The following KLHDC4 variants were observed in gnomAD, a reference collection of about 807,000 sequenced individuals.
KLHDC4 encodes the protein kelch domain containing 4.
In KLHDC4, 90 loss-of-function variants were observed where a neutral mutation model predicts 62.4. That is an observed-to-expected ratio of 1.44 (90% CI 1.22 to 1.72). The LOEUF is 1.72. Among genes scored for constraint, KLHDC4 ranks in the 40% most tolerant of loss-of-function variants. The pLI, the probability that KLHDC4 is intolerant of heterozygous loss-of-function variation, is 0.00. For synonymous variants in KLHDC4, 386 were observed against 284.4 expected, an observed-to-expected ratio of 1.36 and a Z score of -3.59; for missense variants, 1,025 against 699.7, an observed-to-expected ratio of 1.47 and a Z score of -5.25.
intron 7 of KLHDC4, among the ~76,000 whole-genome samples, chr16:87,722,609 C>G (rs761743551): frequency 6.6e-6 from 1 of 152,218 alleles, no homozygotes; most frequent in African/African-American, 2.4e-5. Flanking sequence ...CTTCTCCGGG[C>G]TGAGAGACAA....
intron 7 of KLHDC4, among the ~76,000 whole-genome samples, chr16:87,714,846 C>T (rs898791958): frequency 3.9e-5 from 6 of 152,236 alleles, no homozygotes; most frequent in Non-Finnish European, 8.8e-5. Flanking sequence ...ACAGCTTCCA[C>T]AGCAGCCCTG....
intron 5 of KLHDC4, among the ~76,000 whole-genome samples, chr16:87,733,562 C>A (rs2040772925): frequency 6.6e-6 from 1 of 152,016 alleles, no homozygotes. Flanking sequence ...TGCAGCCACT[C>A]CCTGGGATCC....
At chr16:87,762,737 G>C (rs779980439) in intron 1 of KLHDC4, among the ~76,000 whole-genome samples, 1 of 152,060 alleles carries the variant, frequency 6.6e-6, no homozygotes, top group Non-Finnish European at 1.5e-5. Flanking sequence ...CCAGCACAGA[G>C]GGCAGCACTG....
At chr16:87,752,587 G>A (rs566328874) in intron 4 of KLHDC4, among the ~76,000 whole-genome samples, 55 of 151,938 alleles carry the variant, frequency 3.6e-4, no homozygotes, top group African/African-American at 1.2e-3. Flanking sequence ...CGCCCATCCC[G>A]GCCTCCCAAA....
rs747536312 is a variant in KLHDC4, at chr16:87,730,663, A to C, written c.507-19T>G. The C allele has an allele frequency of 5.0e-6, 8 of 1,598,456 alleles. No individual in the cohort carries two copies. In the Admixed American group the frequency reaches 1.0e-4, roughly 21 times the overall value. On this transcript the variant is annotated intron_variant, in intron 5 of 11. Transcript: ENST00000270583. ...TGTTGATCTAAAATGAAATAAACAA[A>C]AAGACACTATCAACCTGCTTAATTT...
At chr16:87,718,813 T>C (rs1277872380) in intron 7 of KLHDC4, among the ~76,000 whole-genome samples, 8 of 150,798 alleles carry the variant, frequency 5.3e-5, no homozygotes, top group African/African-American at 1.7e-4. Flanking sequence ...TCGTCTGAGA[T>C]GTGGGGAGTG....
downstream of KLHDC4, among the ~76,000 whole-genome samples, chr16:87,704,713 T>TA (rs562360889): frequency 1.8e-4 from 27 of 149,752 alleles, no homozygotes; most frequent in Admixed American, 6.0e-4. Flanking sequence ...CCAACTCAAT[T>TA]AAAAAAAAAA....
intron 6 of KLHDC4, among the ~76,000 whole-genome samples, chr16:87,727,344 A>C (rs1170364421): frequency 1.3e-5 from 2 of 152,220 alleles, no homozygotes; most frequent in Admixed American, 1.3e-4. Context: ...AGACAATTCC[A>C]TTAGGTTATT....
chr16:87,747,836 C>T (rs2043263975), intron 5 of KLHDC4: 1 of 152,436 alleles, frequency 6.6e-6, no homozygotes, highest in East Asian at 1.9e-4. Flanking sequence ...GCCCGGGCTC[C>T]AGGGAGCGCC....
chr16:87,700,910 G>C (rs2034116594), exon 1 of KLHDC4: 1 of 256,940 alleles, frequency 3.9e-6, no homozygotes, highest in African/African-American at 2.4e-5. Context: ...GGCGGAAGGA[G>C]TCAGTCAACT....
intron 5 of KLHDC4, among the ~76,000 whole-genome samples, chr16:87,732,974 T>G (rs1050709258): frequency 7.6e-6 from 1 of 130,966 alleles, no homozygotes; most frequent in African/African-American, 3.0e-5. Flanking sequence ...AAGCAAATCC[T>G]ATCCCAGCTT....
chr16:87,765,201 C>G (rs2046455334), intron 1 of KLHDC4: 3 of 455,916 alleles, frequency 6.6e-6, no homozygotes, highest in South Asian at 3.1e-5. Flanking sequence ...TCCTGCAGAC[C>G]CCGGGCTGAG....
chr16:87,765,511 G>A (rs907677352), intron 1 of KLHDC4, among the ~76,000 whole-genome samples: 2 of 152,074 alleles, frequency 1.3e-5, no homozygotes, highest in African/African-American at 2.4e-5. Context: ...GGAGGAGGGG[G>A]AGGAAACGCA....
At chr16:87,751,966 T>G (rs2044040145) in intron 4 of KLHDC4, among the ~76,000 whole-genome samples, 2 of 150,760 alleles carry the variant, frequency 1.3e-5, no homozygotes, top group African/African-American at 4.9e-5. Flanking sequence ...TCCCAGCTAC[T>G]CAGGAAGCTG....
At chr16:87,703,227 G>A (rs1050500625), downstream of KLHDC4, 9 of 152,124 alleles carry the variant, frequency 5.9e-5, no homozygotes, top group African/African-American at 2.2e-4. Context: ...TGGCGTCCCC[G>A]GGTCAGCGCG....
At chr16:87,734,987 C>A (rs958970712) in intron 5 of KLHDC4, among the ~76,000 whole-genome samples, 1 of 136,558 alleles carries the variant, frequency 7.3e-6, no homozygotes, top group African/African-American at 2.8e-5. Flanking sequence ...CCCCTCCTGA[C>A]GAATTGCCTG....
chr16:87,749,386 T>A (rs1018359008), intron 4 of KLHDC4, among the ~76,000 whole-genome samples: 3 of 151,814 alleles, frequency 2.0e-5, no homozygotes, highest in Admixed American at 2.0e-4. Context: ...AAACCCCATC[T>A]CTACTAAAAA....
At chr16:87,735,299 C>CAAAAAAAAAAAAAA (rs58357546) in intron 5 of KLHDC4, among the ~76,000 whole-genome samples, 3 of 72,604 alleles carry the variant, frequency 4.1e-5, no homozygotes, top group Non-Finnish European at 9.1e-5. Context: ...GACTCCGTCT[C>CAAAAAAAAAAAAAA]AAAAAAAAAA....
In KLHDC4 at chr16:87,750,635, C is replaced by A. The variant is rs116605432; in HGVS notation, c.370-1826G>T. Among the ~76,000 whole-genome samples the A allele has an allele frequency of 3.2e-3, 487 of 152,306 alleles. 6 individuals are homozygous for A. Among genetic ancestry groups the A allele is most frequent in the African/African-American group, 0.011 (472 of 41,566 alleles). On this transcript the variant is annotated intron_variant, in intron 4 of 11. Transcript: ENST00000270583. ...GTGCCAACCCGTCTAAGGTCAAGTGCGCCTCGGGTGGGGCAGACAGTGGTC... is the reference window on the plus strand; with the variant it reads ...GTGCCAACCCGTCTAAGGTCAAGTGAGCCTCGGGTGGGGCAGACAGTGGTC...
Sources: gnomAD v4.1 joint callset for allele counts (sites outside exome capture counted in the v4.1 genomes callset) on GRCh38, gnomAD v4.1.1 for gene constraint, MANE v1.5 for transcripts, NCBI Gene and HGNC (gene_info 2026-07-23, HGNC 2026-07-21) for gene names.